The following EP400 variants were observed in gnomAD, a reference collection of about 807,000 sequenced individuals.
EP400 encodes E1A-binding protein p400.
EP400 carries 105 observed loss-of-function variants against 354.1 expected under a neutral mutation model. The observed-to-expected ratio is 0.30, with a 90% CI of 0.25 to 0.35. The LOEUF (loss-of-function observed/expected upper bound fraction) is 0.35. Ranked by LOEUF, EP400 falls within the 10% of genes least tolerant of loss-of-function variation. EP400 has a pLI of 1.00. For synonymous variants in EP400, 1,646 were observed against 1,716.9 expected (o/e 0.96, Z 1.02); for missense variants, 3,280 against 4,121.0 (o/e 0.80, Z 5.59).
chr12:132,042,500 A>G (rs945260534), intron 32 of EP400, among the ~76,000 whole-genome samples: 4 of 151,978 alleles, frequency 2.6e-5, no homozygotes, highest in Non-Finnish European at 4.4e-5. Flanking sequence ...ATCCTCCTCT[A>G]TTTTCTTCTA....
intron 32 of EP400, among the ~76,000 whole-genome samples, chr12:132,040,522 T>C (rs1443528970): frequency 6.6e-6 from 1 of 152,230 alleles, no homozygotes; most frequent in Non-Finnish European, 1.5e-5. Flanking sequence ...CCCAGCAGCA[T>C]AGTATTTCAA....
chr12:131,982,617 C>T, intron 5 of EP400, 139 bp downstream of exon 5: 1 of 1,070,564 alleles, frequency 9.3e-7, no homozygotes, highest in East Asian at 2.6e-5. Context: ...AGAACAATTA[C>T]TCAATTCAGT....
intron 39 of EP400, among the ~76,000 whole-genome samples, chr12:132,046,883 C>T (rs1033592022): frequency 6.6e-6 from 1 of 152,212 alleles, no homozygotes; most frequent in Non-Finnish European, 1.5e-5. Context: ...AGGGCACGTG[C>T]CATGCTGGCG....
intron 12 of EP400, among the ~76,000 whole-genome samples, chr12:131,997,659 T>C (rs755995203): frequency 7.9e-5 from 12 of 152,136 alleles, no homozygotes; most frequent in Non-Finnish European, 1.6e-4. Flanking sequence ...AGAAAATACA[T>C]TTACTATTTA....
chr12:131,993,058 G>A lies in EP400; in HGVS notation c.2737+828G>A, dbSNP rs529922989. On this transcript the variant is annotated intron_variant, in intron 11 of 52. Coordinates refer to ENST00000389561, the MANE Select transcript of EP400 (RefSeq NM_015409.5). ...AACAAAACAACAGTGTGGCAGATGA[G>A]TGAGGAGCCTGAGGGCACATGGCCC... is the stretch of plus-strand genomic sequence containing the variant. Among the ~76,000 whole-genome samples the A allele has an allele frequency of 3.3e-5, 5 of 152,362 alleles. No individual in the cohort carries two copies. The East Asian group carries it at 9.6e-4, about 29-fold the overall frequency.
intron 30 of EP400, among the ~76,000 whole-genome samples, chr12:132,037,231 C>T (rs1027272076): frequency 4.0e-5 from 6 of 151,802 alleles, no homozygotes; most frequent in Admixed American, 1.3e-4. Context: ...GGTAGTGTAC[C>T]GGGGTTAGAA....
In EP400 at chr12:132,038,579, G is replaced by A. The variant is rs575736226; in HGVS notation, c.6207+483G>A. ...CAGACTATCACGTTGATACTTTTGA[G>A]TGTTGACTACATGTTGAAGTGATAA... On this transcript the variant is annotated intron_variant, in intron 32 of 52. Coordinates refer to ENST00000389561, the MANE Select transcript of EP400 (RefSeq NM_015409.5). The surrounding 1 kb of genome is among the most constrained non-coding windows in gnomAD (Gnocchi z 4.2). 1.3e-5 allele frequency among the ~76,000 whole-genome samples: 2 copies of A among 152,354 alleles called. No individual in the cohort carries two copies. The highest frequency in any genetic ancestry group is 3.9e-4 in the East Asian group (2 of 5,184).
intron 39 of EP400, among the ~76,000 whole-genome samples, chr12:132,048,688 A>G (rs939397704): frequency 6.6e-6 from 1 of 151,880 alleles, no homozygotes; most frequent in Non-Finnish European, 1.5e-5. Context: ...ATACCCAGCT[A>G]ATTTTTGTAT....
rs940944840 is a variant in EP400 at position 131,961,849 on chromosome 12, T to G, written c.1230T>G (p.His410Gln). 6.2e-7 allele frequency: 1 copy of G among 1,614,032 alleles called. No homozygotes were observed. Among genetic ancestry groups the G allele is most frequent in the African/African-American group, 1.3e-5 (1 of 74,896 alleles). Residue 410 changes from histidine (H) to glutamine (Q), a missense_variant, in exon 2 of 53, where the codon CAT (histidine) becomes CAG (glutamine). By Grantham distance (24) the His-to-Gln change is conservative. Transcript: ENST00000389561. ...ATTTCTTAGCTTTCAAGAAGAAACATTATGCCCCATTACAAGCATATCTTA... is the reference window on the plus strand; with the variant it reads ...ATTTCTTAGCTTTCAAGAAGAAACAGTATGCCCCATTACAAGCATATCTTA... ...MMDFLAFKKK[H>Q]YAPLQAYLRQ... is the part of the protein sequence containing the mutation.
In EP400 at chr12:132,028,300, C is replaced by G; in HGVS notation, c.5381+12C>G. On this transcript the variant is annotated intron_variant, in intron 27 of 52. Transcript: ENST00000389561. ...GATGTTATTGACAGGTACTGCAGAC[C>G]TCGTGACCTTTTCGGTGCTCTCTGG... The G allele has an allele frequency of 6.2e-7, 1 of 1,606,324 alleles. No individual in the cohort carries two copies. Among genetic ancestry groups the G allele is most frequent in the Non-Finnish European group, 8.5e-7 (1 of 1,173,328 alleles).
chr12:132,017,441 G>A lies in EP400; in HGVS notation c.3924-94G>A, dbSNP rs1272844593. The A allele has an allele frequency of 2.9e-6, 4 of 1,387,796 alleles. No individual in the cohort carries two copies. Among genetic ancestry groups the A allele is most frequent in the Non-Finnish European group, 3.0e-6 (3 of 1,010,300 alleles). 86.0% of individuals were successfully genotyped at this position (1,387,796 alleles called of 1,614,324 possible). ...GGACCTAGAAAATCTGCTCCTGCCT[G>A]CCTTTCTGGAGTTGGGACAGTCGAT... On this transcript the variant is annotated intron_variant, in intron 19 of 52. Transcript: ENST00000389561. This position sits in a 1 kb window ranked among gnomAD's most constrained non-coding sequence, Gnocchi z 5.0.
intron 2 of EP400, among the ~76,000 whole-genome samples, chr12:131,973,652 A>G (rs1892373193): frequency 6.6e-6 from 1 of 152,186 alleles, no homozygotes; most frequent in Non-Finnish European, 1.5e-5. Context: ...CAAAAAAAAT[A>G]AGACAGAGTT....
chr12:131,950,256 C>T (rs1165811483), intron 1 of EP400, among the ~76,000 whole-genome samples: 1 of 152,028 alleles, frequency 6.6e-6, no homozygotes, highest in Non-Finnish European at 1.5e-5. Context: ...GTCGTAGCGC[C>T]CGTCCCCCGC....
intron 2 of EP400, among the ~76,000 whole-genome samples, chr12:131,972,537 A>G (rs1892326156): frequency 1.3e-5 from 2 of 152,102 alleles, no homozygotes; most frequent in Admixed American, 1.3e-4. Context: ...GTTATTACAT[A>G]TGTACTAATT....
intron 19 of EP400, among the ~76,000 whole-genome samples, chr12:132,015,459 C>A (rs1437387584): frequency 6.6e-6 from 1 of 152,192 alleles, no homozygotes; most frequent in Non-Finnish European, 1.5e-5. Context: ...AGGTTTTGAG[C>A]GCCAGCCTAT....
intron 2 of EP400, among the ~76,000 whole-genome samples, chr12:131,968,209 T>G (rs572271677): frequency 4.6e-5 from 7 of 152,226 alleles, no homozygotes; most frequent in Non-Finnish European, 8.8e-5. Flanking sequence ...CTGTGTTGTC[T>G]CGTAGAAGTT....
chr12:132,037,137 T>G (rs1278072773), intron 30 of EP400, among the ~76,000 whole-genome samples: 1 of 152,204 alleles, frequency 6.6e-6, no homozygotes, highest in East Asian at 1.9e-4. Flanking sequence ...TGAGGAAGCC[T>G]TGTGTCCCTG....
intron 50 of EP400, chr12:132,068,941 G>A (rs1316555314): frequency 6.5e-6 from 1 of 153,036 alleles, no homozygotes; most frequent in Non-Finnish European, 1.5e-5. Flanking sequence ...TGAAGTGCTG[G>A]GCTGTGTGTT....
At chr12:131,951,840 G>T (rs552930801) in intron 1 of EP400, among the ~76,000 whole-genome samples, 1 of 151,922 alleles carries the variant, frequency 6.6e-6, no homozygotes, top group Non-Finnish European at 1.5e-5. Context: ...GCAATGGCAT[G>T]ATCTCGGCTC....
Sources: gnomAD v4.1 joint callset for allele counts (sites outside exome capture counted in the v4.1 genomes callset) on GRCh38, gnomAD v4.1.1 for gene constraint, Gnocchi (gnomAD v3.1) non-coding constraint, MANE v1.5 for transcripts, NCBI Gene and HGNC (gene_info 2026-07-23, HGNC 2026-07-21) for gene names.